The following LCORL variants were observed in gnomAD, a reference collection of about 807,000 sequenced individuals.
The protein encoded by LCORL is ligand dependent nuclear receptor corepressor like, also known as ligand-dependent nuclear receptor corepressor-like protein.
In LCORL, 41 loss-of-function variants were observed where a neutral mutation model predicts 141.8. The ratio of observed to expected loss-of-function variants is 0.29; its 90% CI spans 0.23 to 0.38. The LOEUF is 0.38. Ranked by LOEUF, LCORL falls within the 10% of genes least tolerant of loss-of-function variation. The pLI, the probability that LCORL is intolerant of heterozygous loss-of-function variation, is 1.00. For synonymous variants in LCORL, 618 were observed against 694.1 expected, an observed-to-expected ratio of 0.89 and a Z score of 1.72; for missense variants, 1,759 against 2,035.0, an observed-to-expected ratio of 0.86 and a Z score of 2.61.
exon 8 of LCORL, chr4:17,845,628 G>T: frequency 1.3e-6 from 1 of 799,988 alleles, no homozygotes; most frequent in Non-Finnish European, 1.9e-6. Context: ...CAAATCACAG[G>T]ACTAGAAATA....
chr4:17,945,805 A>AT (rs1738783556), intron 4 of LCORL, among the ~76,000 whole-genome samples: 1 of 151,780 alleles, frequency 6.6e-6, no homozygotes, highest in African/African-American at 2.4e-5. Context: ...TTGACAACGT[A>AT]TATGTTAAAA....
At chr4:17,956,068 C>T (rs1466828617) in intron 4 of LCORL, among the ~76,000 whole-genome samples, 1 of 152,116 alleles carries the variant, frequency 6.6e-6, no homozygotes, top group Non-Finnish European at 1.5e-5. Context: ...TTCAACATCA[C>T]TAATCACCAG....
In LCORL at chr4:17,873,808, TAC is replaced by T. The variant is rs2109176033; in HGVS notation, c.5180_5181del (p.Cys1727Ter). 1 of 1,234,046 alleles carries T rather than the reference TAC, an allele frequency of 8.1e-7. No individual in the cohort carries two copies. The highest frequency in any genetic ancestry group is 1.0e-6 in the Non-Finnish European group (1 of 987,924). 76.4% of individuals were successfully genotyped at this position (1,234,046 alleles called of 1,614,324 possible). Reference sequence around the variant, plus strand: ...CAGTTGAGCTTCCTCAAAAATATTCTACAGTCTTTTAAGGTTTTTGACCTCCA... The same window carrying T: ...CAGTTGAGCTTCCTCAAAAATATTCTAGTCTTTTAAGGTTTTTGACCTCCA... On this transcript the variant is annotated frameshift_variant, in exon 7 of 8. Coordinates refer to ENST00000635767, the Ensembl canonical transcript of LCORL. LOFTEE classifies it high-confidence loss of function.
Position 17,861,569 on chromosome 4 carries a change from T to G in LCORL, c.5602+11819A>C, listed in dbSNP as rs191000956. Among the ~76,000 whole-genome samples, 1,085 of 152,318 alleles carry G rather than the reference T, an allele frequency of 7.1e-3. 6 individuals carry two copies. Among genetic ancestry groups the G allele is most frequent in the Non-Finnish European group, 0.012 (805 of 68,024 alleles). ...CTTTGAGACATTTTCCCTGTTGGCT[T>G]GGAGATTAACGTGTGGCTCCTCATT... On this transcript the variant is annotated intron_variant, in intron 7 of 7. Coordinates refer to ENST00000635767, the Ensembl canonical transcript of LCORL.
intron 1 of LCORL, among the ~76,000 whole-genome samples, chr4:17,973,260 T>G (rs12500636): frequency 0.24 from 36,840 of 151,564 alleles, 5,820 homozygotes; most frequent in African/African-American, 0.44. Flanking sequence ...AAAGTAAACA[T>G]GAAAAATAGC....
At chr4:18,010,639 A>G (rs1372870167) in intron 1 of LCORL, among the ~76,000 whole-genome samples, 1 of 139,320 alleles carries the variant, frequency 7.2e-6, no homozygotes, top group East Asian at 2.0e-4. Flanking sequence ...TAGTACAGAC[A>G]GGGTTTCTGT....
exon 8 of LCORL, chr4:17,843,449 TTTAAGA>T (rs1560238193): frequency 2.5e-6 from 4 of 1,607,592 alleles, no homozygotes; most frequent in Admixed American, 1.7e-5. Flanking sequence ...GGTGGAATCC[TTTAAGA>T]TTATGTCCAG....
intron 4 of LCORL, among the ~76,000 whole-genome samples, chr4:17,935,150 A>G (rs1736646207): frequency 6.6e-6 from 1 of 152,236 alleles, no homozygotes; most frequent in Admixed American, 6.5e-5. Context: ...AAGAAGAAAG[A>G]AGGAATCAAA....
chr4:17,900,146 T>C (rs865983058), intron 5 of LCORL, among the ~76,000 whole-genome samples: 1 of 152,132 alleles, frequency 6.6e-6, no homozygotes, highest in Non-Finnish European at 1.5e-5. Flanking sequence ...ACATTTTAGA[T>C]AGCATTTATG....
At chr4:18,017,036 A>T (rs1182842161) in intron 1 of LCORL, among the ~76,000 whole-genome samples, 2 of 152,164 alleles carry the variant, frequency 1.3e-5, no homozygotes, top group African/African-American at 4.8e-5. Flanking sequence ...TGGACAGATA[A>T]AATACAAAAT....
At chr4:17,843,670 A>C in exon 8 of LCORL, 13 of 299,018 alleles carry the variant, frequency 4.3e-5, no homozygotes, top group Middle Eastern at 1.0e-3. Context: ...TAGGAATCTC[A>C]TTTTTAAATA....
At chr4:17,921,936 A>C (rs1734362030) in intron 4 of LCORL, among the ~76,000 whole-genome samples, 1 of 152,084 alleles carries the variant, frequency 6.6e-6, no homozygotes, top group Admixed American at 6.5e-5. Flanking sequence ...CAAGTTCTTC[A>C]GCTTTTGGAC....
chr4:18,021,471 C>T lies in LCORL; in HGVS notation c.154+127G>A. ...GCCGGGGCCGCCGCGCCGCGCCGCT[C>T]CCATCTCGCTCCCCCACCGAACTAA... On this transcript the variant is annotated intron_variant, in intron 1 of 7. Transcript: ENST00000635767. This position sits in a 1 kb window ranked among gnomAD's most constrained non-coding sequence, Gnocchi z 5.5. 1 of 758,922 alleles carries T rather than the reference C, an allele frequency of 1.3e-6. No individual in the cohort carries two copies. The highest frequency in any genetic ancestry group is 3.4e-5 in the East Asian group (1 of 29,376). The allele number at this position is 758,922 out of a possible 1,614,324, so 47.0% of individuals were successfully genotyped here.
At chr4:17,958,962 A>C (rs1713230986) in intron 4 of LCORL, among the ~76,000 whole-genome samples, 1 of 152,048 alleles carries the variant, frequency 6.6e-6, no homozygotes, top group South Asian at 2.1e-4. Flanking sequence ...GAATATACAA[A>C]ATTAGTTAAA....
intron 1 of LCORL, among the ~76,000 whole-genome samples, chr4:18,008,624 G>A (rs1222329170): frequency 6.6e-6 from 1 of 152,128 alleles, no homozygotes; most frequent in Non-Finnish European, 1.5e-5. Flanking sequence ...TTTGTAAAAT[G>A]AAGATAAAAA....
rs938037086 is a variant in LCORL at position 18,021,442 on chromosome 4, G to A, written c.154+156C>T. On this transcript the variant is annotated intron_variant, in intron 1 of 7. Transcript: ENST00000635767. This position sits in a 1 kb window ranked among gnomAD's most constrained non-coding sequence, Gnocchi z 5.5. ...GCCAGCAGCCCGCAAGACAAAAGGC[G>A]AGCGCCGGGGCCGCCGCGCCGCGCC... 1.3e-5 allele frequency among the ~76,000 whole-genome samples: 2 copies of A among 152,076 alleles called. No homozygotes were observed. Among genetic ancestry groups the A allele is most frequent in the East Asian group, 1.9e-4 (1 of 5,160 alleles).
At chr4:17,976,151 A>G (rs138195522) in intron 1 of LCORL, among the ~76,000 whole-genome samples, 123 of 152,206 alleles carry the variant, frequency 8.1e-4, no homozygotes, top group African/African-American at 2.8e-3. Flanking sequence ...ACCTGTCTTT[A>G]TATTCAAATT....
intron 7 of LCORL, among the ~76,000 whole-genome samples, chr4:17,863,078 G>C (rs1006152957): frequency 3.3e-5 from 5 of 152,210 alleles, no homozygotes; most frequent in Non-Finnish European, 7.3e-5. Context: ...CACTTTGGGA[G>C]GCTGAGGTGG....
chr4:17,880,536 A>G (rs952038747), intron 6 of LCORL: 3 of 955,840 alleles, frequency 3.1e-6, no homozygotes, highest in Non-Finnish European at 3.7e-6. Context: ...GAAAAAGTAA[A>G]TTAGAATACT....
Sources: gnomAD v4.1 joint callset for allele counts (sites outside exome capture counted in the v4.1 genomes callset) on GRCh38, gnomAD v4.1.1 for gene constraint, Gnocchi (gnomAD v3.1) non-coding constraint, MANE v1.5 for transcripts, NCBI Gene and HGNC (gene_info 2026-07-23, HGNC 2026-07-21) for gene names.